SMIM40: variants seen among roughly 807,000 people sequenced by gnomAD.
The protein encoded by SMIM40 is small integral membrane protein 40.
intron 2 of SMIM40, 34 bp downstream of exon 2, chr6:33,323,934 AAAG>A (rs935217668): frequency 6.6e-6 from 1 of 152,280 alleles, no homozygotes; most frequent in African/African-American, 2.4e-5. Flanking sequence ...AGAGGGGAAA[AAAG>A]AATGAAGGAT....
At chr6:33,326,950 C>T (rs971871881) in intron 1 of SMIM40, among the ~76,000 whole-genome samples, 3 of 147,950 alleles carry the variant, frequency 2.0e-5, no homozygotes, top group Admixed American at 1.3e-4. Flanking sequence ...GATGAAACCC[C>T]GTCTCTACTA....
chr6:33,328,032 G>A (rs1771317308), intron 1 of SMIM40, among the ~76,000 whole-genome samples: 1 of 149,872 alleles, frequency 6.7e-6, no homozygotes, highest in Admixed American at 6.7e-5. Context: ...GTTGCAGTGA[G>A]CCGAGATTGC....
chr6:33,327,896 G>A (rs1278202355), intron 1 of SMIM40, among the ~76,000 whole-genome samples: 3 of 137,938 alleles, frequency 2.2e-5, no homozygotes, highest in African/African-American at 5.4e-5. Context: ...CAAGACCAGC[G>A]TGGCCAACAT....
chr6:33,327,886 C>CAA (rs1771304996), intron 1 of SMIM40, among the ~76,000 whole-genome samples: 1 of 110,042 alleles, frequency 9.1e-6, no homozygotes, highest in African/African-American at 3.5e-5. Flanking sequence ...AAAAAGAGTT[C>CAA]AAGACCAGCG....
chr6:33,325,972 A>C (rs1771147484), intron 1 of SMIM40, among the ~76,000 whole-genome samples: 2 of 149,808 alleles, frequency 1.3e-5, no homozygotes, highest in South Asian at 4.1e-4. Flanking sequence ...TTACAATCAC[A>C]AGAAAGATAT....
chr6:33,329,156 A>G lies in SMIM40; in HGVS notation c.110T>C (p.Ile37Thr). 2.5e-6 allele frequency: 1 copy of G among 398,924 alleles called. No homozygotes were observed. The allele number at this position is 398,924 out of a possible 1,614,324, so 24.7% of individuals were successfully genotyped here. A position where few individuals can be genotyped will look rare whatever the true frequency, so the allele number is the denominator to read the frequency against. The change falls in exon 1 of 3, where the codon ATC becomes ACC. Residue 37 changes from isoleucine to threonine, a missense_variant. Ile to Thr is a moderately conservative substitution (Grantham distance 89). Transcript: ENST00000494082. ...VRRALDKAFF[I>T]FLALFLTLLM... ...CAGTGTCAGGAAGAGGGCCAGGAAG[A>G]TAAAGAAAGCCTTGTCCAAGGCACG...
chr6:33,326,686 G>A (rs888792270), intron 1 of SMIM40, among the ~76,000 whole-genome samples: 2 of 147,022 alleles, frequency 1.4e-5, no homozygotes, highest in Non-Finnish European at 3.0e-5. Flanking sequence ...ATAGCCAGGC[G>A]TGGTCGTGGG....
At position 33,327,218 on chromosome 6, in the gene SMIM40, C is replaced by T. The variant is rs148802029; in HGVS notation, c.*39+1769G>A. On this transcript the variant is annotated intron_variant, in intron 1 of 2. Transcript: ENST00000494082. ...AGGCAGATCACGAAGTCTAGGAGTT[C>T]GAGACCAGCCTGGCCAATATGGTGA... Among the ~76,000 whole-genome samples, 889 of 148,440 alleles carry T rather than the reference C, an allele frequency of 6.0e-3. 13 individuals carry two copies. The highest frequency in any genetic ancestry group is 0.014 in the Middle Eastern group (4 of 294).
chr6:33,326,467 T>G (rs1361117132), intron 1 of SMIM40, among the ~76,000 whole-genome samples: 3 of 148,438 alleles, frequency 2.0e-5, no homozygotes, highest in African/African-American at 7.8e-5. Flanking sequence ...TGAAGCACCG[T>G]GCCCGGCCAT....
intron 1 of SMIM40, 58 bp from the exon 2 acceptor site, chr6:33,324,088 C>T (rs1404313776): frequency 6.6e-6 from 1 of 152,170 alleles, no homozygotes; most frequent in Non-Finnish European, 1.5e-5. Flanking sequence ...CCCATTTCCA[C>T]AAGTGGTGGG....
At chr6:33,327,224 C>A (rs1352992729) in intron 1 of SMIM40, among the ~76,000 whole-genome samples, 1 of 148,532 alleles carries the variant, frequency 6.7e-6, no homozygotes, top group African/African-American at 2.6e-5. Flanking sequence ...AGTTCGAGAC[C>A]AGCCTGGCCA....
chr6:33,325,095 GGT>G (rs1771083398), intron 1 of SMIM40, among the ~76,000 whole-genome samples: 1 of 151,306 alleles, frequency 6.6e-6, no homozygotes, highest in Non-Finnish European at 1.5e-5. Flanking sequence ...GGCTGGGCGC[GGT>G]GGCTCATGCC....
At chr6:33,327,370 CA>C (rs34486328) in intron 1 of SMIM40, among the ~76,000 whole-genome samples, 10,566 of 149,410 alleles carry the variant, frequency 0.071, 1,721 homozygotes, top group African/African-American at 0.22. Context: ...TTCAGTGAGC[CA>C]AGATGGTGCC....
intron 1 of SMIM40, among the ~76,000 whole-genome samples, chr6:33,324,545 C>CTTTTTTTTTTTTTTTTTTTCCTTTT (rs1771014602): frequency 7.7e-4 from 79 of 103,188 alleles, no homozygotes; most frequent in South Asian, 1.3e-3. Context: ...ACCACCTTTT[C>CTTTTTTTTTTTTTTTTTTTCCTTTT]TTTTTTTTTT....
intron 1 of SMIM40, among the ~76,000 whole-genome samples, chr6:33,328,625 A>C (rs1020210015): frequency 6.6e-6 from 1 of 151,594 alleles, no homozygotes; most frequent in Non-Finnish European, 1.5e-5. Flanking sequence ...GCAGTGGCTC[A>C]CACCTGTAAT....
intron 1 of SMIM40, among the ~76,000 whole-genome samples, chr6:33,326,139 C>T (rs1771156166): frequency 1.4e-5 from 2 of 147,466 alleles, no homozygotes; most frequent in Non-Finnish European, 1.5e-5. Context: ...GGAATGATTC[C>T]CAACTGGTAA....
intron 1 of SMIM40, among the ~76,000 whole-genome samples, chr6:33,328,219 C>T (rs950479178): frequency 1.3e-5 from 2 of 151,300 alleles, no homozygotes; most frequent in Non-Finnish European, 2.9e-5. Flanking sequence ...GAAGGAGTCT[C>T]GCTCTGTCAC....
At position 33,329,199 on chromosome 6, in the gene SMIM40, G is replaced by A; in HGVS notation, c.67C>T (p.Pro23Ser). The A allele has an allele frequency of 5.0e-6, 2 of 398,752 alleles. No individual in the cohort carries two copies. The highest frequency in any genetic ancestry group is 8.8e-6 in the Non-Finnish European group (2 of 226,162). The allele number at this position is 398,752 out of a possible 1,614,324, so 24.7% of individuals were successfully genotyped here. A position where few individuals can be genotyped will look rare whatever the true frequency, so the allele number is the denominator to read the frequency against. ...AAGGCACGTCGCACGGGACCCCTGG[G>A]AGGGGAGGGACCCTGGGCAAATGCC... ...FLAFAQGPSP[P>S]RGPVRRALDK... The change falls in exon 1 of 3, where the codon CCC (proline) becomes TCC (serine). Residue 23 changes from proline (P) to serine (S), a missense_variant. By Grantham distance (74) the Pro-to-Ser change is moderately conservative. Coordinates refer to ENST00000494082, the MANE Select transcript of SMIM40 (RefSeq NM_001369203.1).
Position 33,329,164 on chromosome 6 carries a change from A to G in SMIM40, c.102T>C (p.Ala34=), listed in dbSNP as rs959954776. 9 of 398,728 alleles carry G rather than the reference A, an allele frequency of 2.3e-5. No individual in the cohort carries two copies. Among genetic ancestry groups the G allele is most frequent in the African/African-American group, 1.4e-4 (7 of 48,636 alleles). The allele number at this position is 398,728 out of a possible 1,614,324, so 24.7% of individuals were successfully genotyped here. ...RGPVRRALDK[A]FFIFLALFLT... ...GGAAGAGGGCCAGGAAGATAAAGAA[A>G]GCCTTGTCCAAGGCACGTCGCACGG... The change falls in exon 1 of 3, where the codon GCT becomes GCC. Residue 34 remains alanine (A), a synonymous_variant. Coordinates refer to ENST00000494082, the MANE Select transcript of SMIM40 (RefSeq NM_001369203.1).
Sources: gnomAD v4.1 joint callset for allele counts (sites outside exome capture counted in the v4.1 genomes callset) on GRCh38, gnomAD v4.1.1 for gene constraint, MANE v1.5 for transcripts, NCBI Gene and HGNC (gene_info 2026-07-23, HGNC 2026-07-21) for gene names.